The following COLGALT1 variants were observed in gnomAD, a reference collection of about 807,000 sequenced individuals.
COLGALT1 encodes the protein collagen beta(1-O)galactosyltransferase 1.
Under a neutral mutation model 60.8 loss-of-function variants are expected in COLGALT1, and 43 were observed. The ratio of observed to expected loss-of-function variants is 0.71; its 90% CI spans 0.55 to 0.91. The LOEUF is 0.91. Ranked by LOEUF, COLGALT1 falls within the 40% of genes least tolerant of loss-of-function variation. COLGALT1 has a pLI of 0.00. For synonymous variants in COLGALT1, 369 were observed against 374.2 expected (o/e 0.99, Z 0.16); for missense variants, 845 against 880.0 (o/e 0.96, Z 0.50).
chr19:17,565,204 G>C (rs1335710616), intron 3 of COLGALT1, among the ~76,000 whole-genome samples: 1 of 151,664 alleles, frequency 6.6e-6, no homozygotes, highest in Non-Finnish European at 1.5e-5. Context: ...GCGCAGGTTT[G>C]CAGTGCAGTG....
chr19:17,567,401 T>G lies in COLGALT1; in HGVS notation c.490-5T>G, dbSNP rs2076285702. On this transcript the variant is annotated splice_region_variant and splice_polypyrimidine_tract_variant and intron_variant, in intron 3 of 11. Transcript: ENST00000252599. The stretch of plus-strand genomic sequence containing the variant: ...CATGCTGATGCTTTGTGGGGTGTTC[T>G]GCAGTTTGTAGATGCGGACAACCTG... 1 of 1,613,462 alleles carries G rather than the reference T, an allele frequency of 6.2e-7. No individual in the cohort carries two copies. Among genetic ancestry groups the G allele is most frequent in the Non-Finnish European group, 8.5e-7 (1 of 1,179,644 alleles).
Position 17,555,911 on chromosome 19 carries a change from G to T in COLGALT1, c.198G>T (p.Ala66=). The change falls in exon 1 of 12, where the codon GCG becomes GCT. Residue 66 remains alanine (A), a synonymous_variant. Transcript: ENST00000252599. ...TGTTGGCGCGAAACGCGGCCCACGCGTTGCCCACCACGCTGGGCGCACTCG... is the reference window on the plus strand; with the variant it reads ...TGTTGGCGCGAAACGCGGCCCACGCTTTGCCCACCACGCTGGGCGCACTCG... ...IALLARNAAH[A]LPTTLGALER... The T allele has an allele frequency of 7.1e-7, 1 of 1,400,078 alleles. No individual in the cohort carries two copies. Among genetic ancestry groups the T allele is most frequent in the Non-Finnish European group, 9.3e-7 (1 of 1,076,296 alleles). 86.7% of individuals were successfully genotyped at this position (1,400,078 alleles called of 1,614,324 possible).
Position 17,556,660 on chromosome 19 carries a change from T to G in COLGALT1, c.260+687T>G, listed in dbSNP as rs2038154014. Reference sequence around the variant, plus strand: ...GGTGCAGTGGCTCACGCAGTAATCCTAGCAATTTGGGAGGCCAAGGTAAGC... The same window carrying G: ...GGTGCAGTGGCTCACGCAGTAATCCGAGCAATTTGGGAGGCCAAGGTAAGC... On this transcript the variant is annotated intron_variant, in intron 1 of 11. Coordinates refer to ENST00000252599, the MANE Select transcript of COLGALT1 (RefSeq NM_024656.4). 1.1e-5 allele frequency: 5 copies of G among 441,918 alleles called. No individual in the cohort carries two copies. In the South Asian group the frequency reaches 4.7e-4, roughly 42 times the overall value. The allele number at this position is 441,918 out of a possible 1,614,324, so 27.4% of individuals were successfully genotyped here.
At chr19:17,560,606 G>C in intron 3 of COLGALT1, 141 bp downstream of exon 3, 1 of 682,184 alleles carries the variant, frequency 1.5e-6, no homozygotes, top group Non-Finnish European at 2.6e-6. Flanking sequence ...GAGATGAGTT[G>C]CTTGAGGTGA....
chr19:17,577,427 CA>C lies in COLGALT1; in HGVS notation c.1094del (p.Gln365ArgfsTer16). Reference protein sequence around the residue: ...RERMLRALQAQEIECRLVEAV... With the variant: ...RERMLRALQAXEIECRLVEAV... ...GCGCATGCTGCGGGCGCTGCAGGCA[CA>C]GGAGATCGAGTGCCGGCTGGTGGAG... On this transcript the variant is annotated frameshift_variant, in exon 8 of 12. Coordinates refer to ENST00000252599, the MANE Select transcript of COLGALT1 (RefSeq NM_024656.4). LOFTEE classifies it high-confidence loss of function. 5 of 1,330,854 alleles carry C rather than the reference CA, an allele frequency of 3.8e-6. No homozygotes were observed. The highest frequency in any genetic ancestry group is 4.9e-6 in the Non-Finnish European group (5 of 1,022,852). 82.4% of individuals were successfully genotyped at this position (1,330,854 alleles called of 1,614,324 possible). A position where few individuals can be genotyped will look rare whatever the true frequency, so the allele number is the denominator to read the frequency against.
rs11332403 is a variant in COLGALT1 at position 17,561,631 on chromosome 19, CAAAAAAA to C, written c.489+1185_489+1191del. 3.6e-3 allele frequency among the ~76,000 whole-genome samples: 259 copies of C among 72,784 alleles called. 1 individual carries two copies. The highest frequency in any genetic ancestry group is 5.1e-3 in the Non-Finnish European group (206 of 40,604). 47.7% of individuals were successfully genotyped at this position (72,784 alleles called of 152,430 possible). ...TGGGCCACAGTATGAGACTCTGTCT[CAAAAAAA>C]AAAAAAAAAAAAAAAAAACAGACTT... is the stretch of plus-strand genomic sequence containing the variant. On this transcript the variant is annotated intron_variant, in intron 3 of 11. Transcript: ENST00000252599.
intron 10 of COLGALT1, chr19:17,579,905 C>T: frequency 2.5e-6 from 1 of 393,564 alleles, no homozygotes; most frequent in Non-Finnish European, 4.8e-6. Context: ...GGAAGCGTAG[C>T]AGGAGGGCTC....
chr19:17,560,328 T>C lies in COLGALT1; in HGVS notation c.372-20T>C. 6.2e-7 allele frequency: 1 copy of C among 1,604,478 alleles called. No individual in the cohort carries two copies. Among genetic ancestry groups the C allele is most frequent in the Admixed American group, 1.7e-5 (1 of 59,958 alleles). ...TTGATAGTGCCTTGTGATGTCCACATCACAGCTGCCTCCCCATAGGTCCTA... is the reference window on the plus strand; with the variant it reads ...TTGATAGTGCCTTGTGATGTCCACACCACAGCTGCCTCCCCATAGGTCCTA... On this transcript the variant is annotated intron_variant, in intron 2 of 11. Transcript: ENST00000252599.
At chr19:17,573,527 C>CA (rs907510440) in intron 6 of COLGALT1, among the ~76,000 whole-genome samples, 53 of 146,948 alleles carry the variant, frequency 3.6e-4, no homozygotes, top group East Asian at 1.2e-3. Flanking sequence ...AACTCCGTCT[C>CA]AAAAAAAAAA....
chr19:17,577,305 G>A, intron 7 of COLGALT1, 34 bp downstream of exon 7: 1 of 1,611,014 alleles, frequency 6.2e-7, no homozygotes. Context: ...CGGGGCGGGG[G>A]CTGGAGGGCC....
intron 2 of COLGALT1, 77 bp downstream of exon 2, chr19:17,559,498 C>A: frequency 8.6e-7 from 1 of 1,165,318 alleles, no homozygotes; most frequent in South Asian, 1.3e-5. Flanking sequence ...CCCCATTGCC[C>A]CAGAACAATT....
In COLGALT1 at chr19:17,581,661, G is replaced by A; in HGVS notation, c.*217G>A. The A allele has an allele frequency of 1.6e-6, 1 of 630,550 alleles. No individual in the cohort carries two copies. Among genetic ancestry groups the A allele is most frequent in the Non-Finnish European group, 2.7e-6 (1 of 368,536 alleles). 39.1% of individuals were successfully genotyped at this position (630,550 alleles called of 1,614,324 possible). A position where few individuals can be genotyped will look rare whatever the true frequency, so the allele number is the denominator to read the frequency against. On this transcript the variant is annotated 3_prime_UTR_variant, in exon 12 of 12. Coordinates refer to ENST00000252599, the MANE Select transcript of COLGALT1 (RefSeq NM_024656.4). ...CAACAGGGCTTGGCCCTGGGGAATTGGGAGGAACCAAGCCCTCTTCATCTG... is the reference window on the plus strand; with the variant it reads ...CAACAGGGCTTGGCCCTGGGGAATTAGGAGGAACCAAGCCCTCTTCATCTG...
At chr19:17,560,926 C>T (rs1005229414) in intron 3 of COLGALT1, among the ~76,000 whole-genome samples, 1 of 151,684 alleles carries the variant, frequency 6.6e-6, no homozygotes, top group Non-Finnish European at 1.5e-5. Flanking sequence ...TTGTGGAAGC[C>T]AGGCATGGTG....
chr19:17,576,540 G>T (rs2076341466), intron 6 of COLGALT1, among the ~76,000 whole-genome samples: 3 of 151,140 alleles, frequency 2.0e-5, no homozygotes, highest in Admixed American at 6.6e-5. Context: ...GCGGAGTGAA[G>T]CTGGAGCCCA....
Position 17,581,466 on chromosome 19 carries a change from A to C in COLGALT1, c.*22A>C, listed in dbSNP as rs749300197. On this transcript the variant is annotated 3_prime_UTR_variant, in exon 12 of 12. Transcript: ENST00000252599. ...CTGAGGGGTAGCAGCCAGAAAGCCA[A>C]AGCAGCCATCGGTGGCCCAGGCTCC... 2 of 1,596,708 alleles carry C rather than the reference A, an allele frequency of 1.3e-6. No homozygotes were observed. The highest frequency in any genetic ancestry group is 3.4e-5 in the Admixed American group (2 of 59,608).
intron 3 of COLGALT1, among the ~76,000 whole-genome samples, chr19:17,561,548 A>T (rs2076248896): frequency 6.7e-6 from 1 of 148,254 alleles, no homozygotes; most frequent in South Asian, 2.1e-4. Context: ...TGGGGAAGGG[A>T]ACAGTTGAGT....
At chr19:17,570,924 C>T (rs1025425060) in intron 5 of COLGALT1, among the ~76,000 whole-genome samples, 2 of 152,130 alleles carry the variant, frequency 1.3e-5, no homozygotes, top group Non-Finnish European at 2.9e-5. Context: ...TATTGTGACA[C>T]ATGAAAACTG....
At chr19:17,577,025 A>G (rs1005873868) in intron 6 of COLGALT1, 170 bp from the exon 7 acceptor site, 31 of 452,020 alleles carry the variant, frequency 6.9e-5, no homozygotes, top group Non-Finnish European at 1.2e-4. Flanking sequence ...TGCAGGGTTC[A>G]AATGACATGG....
chr19:17,579,737 G>A (rs2076367571), intron 10 of COLGALT1, 128 bp downstream of exon 10: 5 of 1,279,128 alleles, frequency 3.9e-6, no homozygotes, highest in Non-Finnish European at 5.4e-6. Flanking sequence ...GGGCTTGAAG[G>A]TGGGGTGGAA....
Sources: allele counts gnomAD v4.1 joint callset (sites outside exome capture counted in the v4.1 genomes callset), GRCh38; gene constraint gnomAD v4.1.1; transcripts MANE v1.5; gene names NCBI Gene and HGNC (gene_info 2026-07-23, HGNC 2026-07-21).